ATP8A2: variants seen among roughly 807,000 people sequenced by gnomAD.
The protein encoded by ATP8A2 is ATPase phospholipid transporting 8A2, also known as phospholipid-transporting ATPase IB.
A neutral mutation model predicts 165.6 loss-of-function variants in ATP8A2; 100 were observed. The observed-to-expected ratio is 0.60, with a 90% CI of 0.51 to 0.71. The LOEUF (loss-of-function observed/expected upper bound fraction) is 0.71. Ranked by LOEUF, ATP8A2 falls within the 30% of genes least tolerant of loss-of-function variation. The pLI is 0.00. For synonymous variants in ATP8A2, 543 were observed against 548.8 expected, an observed-to-expected ratio of 0.99 and a Z score of 0.15; for missense variants, 1,227 against 1,479.5, an observed-to-expected ratio of 0.83 and a Z score of 2.80.
intron 1 of ATP8A2, among the ~76,000 whole-genome samples, chr13:25,434,047 A>G (rs912456123): frequency 2.0e-5 from 3 of 152,180 alleles, no homozygotes; most frequent in African/African-American, 7.2e-5. Context: ...GGTATACTAG[A>G]AACCCAGTCC....
At chr13:25,499,006 T>C (rs1265310872) in intron 2 of ATP8A2, among the ~76,000 whole-genome samples, 1 of 152,184 alleles carries the variant, frequency 6.6e-6, no homozygotes, top group African/African-American at 2.4e-5. Flanking sequence ...AATGGACACT[T>C]CGGTTAAGGA....
chr13:25,783,853 T>C (rs1206712467), intron 27 of ATP8A2, among the ~76,000 whole-genome samples: 1 of 152,178 alleles, frequency 6.6e-6, no homozygotes, highest in East Asian at 1.9e-4. Flanking sequence ...AGTCGGAAGA[T>C]GGCTGGAGAA....
intron 33 of ATP8A2, among the ~76,000 whole-genome samples, chr13:25,950,276 C>T (rs1955319979): frequency 6.6e-6 from 1 of 152,126 alleles, no homozygotes; most frequent in South Asian, 2.1e-4. Context: ...ATAACAGCTT[C>T]AGGAAGATAC....
At chr13:25,821,081 A>G (rs1223443717) in intron 27 of ATP8A2, among the ~76,000 whole-genome samples, 1 of 152,238 alleles carries the variant, frequency 6.6e-6, no homozygotes, top group Non-Finnish European at 1.5e-5. Flanking sequence ...TGCTTCTCAA[A>G]AAGCTGCAGC....
chr13:25,617,939 C>A (rs1000716557), intron 24 of ATP8A2, among the ~76,000 whole-genome samples: 9 of 152,014 alleles, frequency 5.9e-5, no homozygotes, highest in African/African-American at 1.7e-4. Flanking sequence ...AACATAGAAG[C>A]ATTTTATATA....
chr13:25,538,839 T>A (rs571040141), intron 7 of ATP8A2, among the ~76,000 whole-genome samples: 102 of 152,234 alleles, frequency 6.7e-4, no homozygotes, highest in Non-Finnish European at 1.3e-3. Context: ...TAATCACTCA[T>A]TGGATTTTAA....
At chr13:25,792,110 A>G (rs2138410782) in intron 27 of ATP8A2, among the ~76,000 whole-genome samples, 1 of 152,326 alleles carries the variant, frequency 6.6e-6, no homozygotes, top group South Asian at 2.1e-4. Flanking sequence ...AGAACCAGAA[A>G]AGGAAATAAA....
chr13:25,887,679 A>G (rs1953202288), intron 33 of ATP8A2, among the ~76,000 whole-genome samples: 1 of 152,224 alleles, frequency 6.6e-6, no homozygotes, highest in Non-Finnish European at 1.5e-5. Flanking sequence ...ACAAGAGAGG[A>G]AAGGAAGACA....
chr13:25,542,386 T>A (rs75465561), intron 9 of ATP8A2, among the ~76,000 whole-genome samples: 1 of 143,990 alleles, frequency 6.9e-6, no homozygotes, highest in Non-Finnish European at 1.5e-5. Flanking sequence ...GTATGTGTAT[T>A]TTTTTTTTTT....
chr13:25,629,636 G>A (rs2041188682), intron 24 of ATP8A2, among the ~76,000 whole-genome samples: 1 of 152,106 alleles, frequency 6.6e-6, no homozygotes, highest in African/African-American at 2.4e-5. Flanking sequence ...GCTATTTGAA[G>A]GAATAGCTTA....
At chr13:25,605,789 T>C (rs2040501239) in intron 24 of ATP8A2, among the ~76,000 whole-genome samples, 4 of 152,190 alleles carry the variant, frequency 2.6e-5, no homozygotes, top group South Asian at 4.1e-4. Context: ...CTTCTCTTAC[T>C]TTTGGACATT....
In ATP8A2 at chr13:25,549,459, C is replaced by CAA. The variant is rs371766419; in HGVS notation, c.892-1863_892-1862dup. Among the ~76,000 whole-genome samples the CAA allele has an allele frequency of 3.2e-3, 196 of 61,364 alleles. 1 individual carries two copies. The highest frequency in any genetic ancestry group is 9.8e-3 in the African/African-American group (182 of 18,622). The allele number at this position is 61,364 out of a possible 152,430, so 40.3% of individuals were successfully genotyped here. A position where few individuals can be genotyped will look rare whatever the true frequency, so the allele number is the denominator to read the frequency against. ...TGGGCAACACGGTGAGACTCTGTCT[C>CAA]AAAAAAAAAAAAAAAAAGCCTGGGC... On this transcript the variant is annotated intron_variant, in intron 10 of 36. Transcript: ENST00000381655.
At chr13:25,595,742 G>C (rs764972695) in intron 24 of ATP8A2, among the ~76,000 whole-genome samples, 1 of 152,046 alleles carries the variant, frequency 6.6e-6, no homozygotes, top group African/African-American at 2.4e-5. Flanking sequence ...CCTACTAATC[G>C]TACAGAACCT....
chr13:25,473,199 T>C (rs2035896737), intron 2 of ATP8A2, among the ~76,000 whole-genome samples: 3 of 152,232 alleles, frequency 2.0e-5, no homozygotes, highest in Admixed American at 1.3e-4. Context: ...TGTATATAGA[T>C]GTCTCACCAA....
intron 35 of ATP8A2, among the ~76,000 whole-genome samples, chr13:25,997,712 T>C (rs1956541289): frequency 6.6e-6 from 1 of 152,214 alleles, no homozygotes; most frequent in South Asian, 2.1e-4. Context: ...ATTCTGCTGT[T>C]GAGCCCATCC....
intron 1 of ATP8A2, among the ~76,000 whole-genome samples, chr13:25,430,144 G>C (rs1227981418): frequency 6.6e-6 from 1 of 152,144 alleles, no homozygotes; most frequent in African/African-American, 2.4e-5. Context: ...CCAGGTGGGG[G>C]TGTCTAGTAA....
At chr13:25,467,087 G>C (rs1173524148) in intron 1 of ATP8A2, among the ~76,000 whole-genome samples, 1 of 152,216 alleles carries the variant, frequency 6.6e-6, no homozygotes, top group Non-Finnish European at 1.5e-5. Context: ...CTCTGCTGCC[G>C]CTTGTTGATG....
intron 33 of ATP8A2, chr13:25,944,423 C>G (rs1274998825): frequency 6.6e-6 from 1 of 152,288 alleles, no homozygotes; most frequent in Non-Finnish European, 1.5e-5. Flanking sequence ...AGGAGAATCA[C>G]TTGAAGCCGG....
intron 13 of ATP8A2, 64 bp downstream of exon 13, chr13:25,555,132 A>C: frequency 8.1e-7 from 1 of 1,228,740 alleles, no homozygotes; most frequent in South Asian, 1.2e-5. Flanking sequence ...GAGTGTTAGC[A>C]GAAGAACCAT....
Sources: gnomAD v4.1 joint callset for allele counts (sites outside exome capture counted in the v4.1 genomes callset) on GRCh38, gnomAD v4.1.1 for gene constraint, MANE v1.5 for transcripts, NCBI Gene and HGNC (gene_info 2026-07-23, HGNC 2026-07-21) for gene names.